ZBTB34: variants seen among roughly 807,000 people sequenced by gnomAD.
ZBTB34 encodes the protein zinc finger and BTB domain containing 34.
ZBTB34 carries 1 observed loss-of-function variant against 33.4 expected under a neutral mutation model. The observed-to-expected ratio is 0.03, with a 90% CI of 0.01 to 0.14. The LOEUF (loss-of-function observed/expected upper bound fraction) is 0.14, where lower values mean the gene tolerates loss of function less well. Among genes scored for constraint, ZBTB34 ranks in the 10% least tolerant of loss-of-function variants. The pLI, the probability that ZBTB34 is intolerant of heterozygous loss-of-function variation, is 1.00. For missense variants in ZBTB34, 406 were observed against 657.2 expected, an observed-to-expected ratio of 0.62 and a Z score of 4.18; for synonymous variants, 283 against 253.5, an observed-to-expected ratio of 1.12 and a Z score of -1.11.
chr9:126,863,121 G>A (rs2033162565), intron 1 of ZBTB34, among the ~76,000 whole-genome samples: 1 of 152,134 alleles, frequency 6.6e-6, no homozygotes, highest in African/African-American at 2.4e-5. Context: ...GGAGGCTGTG[G>A]GGAAAGAACA....
chr9:126,872,642 G>A (rs1379252982), intron 1 of ZBTB34, among the ~76,000 whole-genome samples: 3 of 152,180 alleles, frequency 2.0e-5, no homozygotes, highest in Admixed American at 6.5e-5. Context: ...ATGGAGTGTA[G>A]AACTTGTGAT....
chr9:126,884,368 G>A (rs2033490573), exon 2 of ZBTB34: 1 of 166,964 alleles, frequency 6.0e-6, no homozygotes, highest in Admixed American at 6.5e-5. Context: ...AATTATATTT[G>A]TAAATACAGT....
chr9:126,874,467 C>T (rs2033328204), intron 1 of ZBTB34, among the ~76,000 whole-genome samples: 1 of 152,102 alleles, frequency 6.6e-6, no homozygotes, highest in Non-Finnish European at 1.5e-5. Flanking sequence ...TCTGTAGTTA[C>T]TACGTTTGTT....
In ZBTB34 at chr9:126,880,752, G is replaced by C. The variant is rs753480744; in HGVS notation, c.1353G>C (p.Leu451Phe). 1 of 1,613,670 alleles carries C rather than the reference G, an allele frequency of 6.2e-7. No individual in the cohort carries two copies. Among genetic ancestry groups the C allele is most frequent in the Non-Finnish European group, 8.5e-7 (1 of 1,179,896 alleles). The change falls in exon 2 of 2, where the codon TTG (leucine) becomes TTC (phenylalanine). Residue 451 changes from leucine to phenylalanine, a missense_variant. Coordinates refer to ENST00000319119, the Ensembl canonical transcript of ZBTB34. The surrounding 1 kb of genome is among the most constrained non-coding windows in gnomAD (Gnocchi z 6.7). ...TCCAAGGTACCCTCAACCAGCACTTGCGGAAAAACCACCCAGGCGTTGCTG... is the reference window on the plus strand; with the variant it reads ...TCCAAGGTACCCTCAACCAGCACTTCCGGAAAAACCACCCAGGCGTTGCTG...
At chr9:126,870,322 G>A (rs1462204008) in intron 1 of ZBTB34, among the ~76,000 whole-genome samples, 1 of 152,172 alleles carries the variant, frequency 6.6e-6, no homozygotes, top group East Asian at 1.9e-4. Flanking sequence ...CTATCAAACT[G>A]CAAGACTGGG....
At position 126,879,695 on chromosome 9, in the gene ZBTB34, A is replaced by G. The variant is rs774753816; in HGVS notation, c.296A>G (p.Gln99Arg). The G allele has an allele frequency of 2.5e-6, 4 of 1,613,646 alleles. No individual in the cohort carries two copies. Among genetic ancestry groups the G allele is most frequent in the Non-Finnish European group, 2.5e-6 (3 of 1,179,894 alleles). Residue 99 changes from glutamine to arginine, a missense_variant, in exon 2 of 2, where the codon CAG (glutamine) becomes CGG (arginine). Gln to Arg is a conservative substitution (Grantham distance 43). Transcript: ENST00000319119. The surrounding 1 kb of genome is among the most constrained non-coding windows in gnomAD (Gnocchi z 6.4). ...TGTTACACTGGAAGAATGTCCTTGC[A>G]GCTGAAGGATGTTGTCAGTTTTCTG...
intron 1 of ZBTB34, among the ~76,000 whole-genome samples, 157 bp downstream of exon 1, chr9:126,860,896 G>A (rs1202885524): frequency 1.7e-4 from 26 of 148,904 alleles, no homozygotes; most frequent in Admixed American, 1.7e-3. Context: ...GCGGGCAGGC[G>A]GCCGGCGCGG....
At chr9:126,868,504 C>G (rs573948736) in intron 1 of ZBTB34, among the ~76,000 whole-genome samples, 8 of 152,274 alleles carry the variant, frequency 5.3e-5, no homozygotes, top group Non-Finnish European at 8.8e-5. Flanking sequence ...TGTGAGTGTC[C>G]TCCTGCTCTG....
intron 1 of ZBTB34, among the ~76,000 whole-genome samples, chr9:126,871,483 C>T (rs1001000277): frequency 6.6e-6 from 1 of 151,652 alleles, no homozygotes; most frequent in Non-Finnish European, 1.5e-5. Context: ...CTTCCTCAGC[C>T]TCCCGAGTAG....
At chr9:126,865,352 C>T (rs769910627) in intron 1 of ZBTB34, among the ~76,000 whole-genome samples, 4 of 152,252 alleles carry the variant, frequency 2.6e-5, no homozygotes, top group South Asian at 2.1e-4. Flanking sequence ...GCTCTGGGCA[C>T]GCAGTCCCTG....
intron 1 of ZBTB34, among the ~76,000 whole-genome samples, chr9:126,873,483 C>T (rs750007667): frequency 1.3e-5 from 2 of 152,082 alleles, no homozygotes; most frequent in Non-Finnish European, 2.9e-5. Flanking sequence ...AGGCTGGTCT[C>T]GAACTCCTGA....
chr9:126,882,148 C>A (rs913193599), exon 2 of ZBTB34: 1 of 167,032 alleles, frequency 6.0e-6, no homozygotes, highest in Non-Finnish European at 1.5e-5. Context: ...CAGTGGCTCC[C>A]CCACTCTCTC....
At chr9:126,878,368 G>C (rs373173045) in intron 1 of ZBTB34, among the ~76,000 whole-genome samples, 7 of 152,066 alleles carry the variant, frequency 4.6e-5, no homozygotes, top group East Asian at 3.9e-4. Context: ...TATTCAGGAG[G>C]CTGAGGCATG....
exon 2 of ZBTB34, chr9:126,882,069 T>C (rs960318838): frequency 4.2e-5 from 7 of 167,066 alleles, no homozygotes; most frequent in African/African-American, 1.7e-4. Flanking sequence ...GTACTTTTTG[T>C]AAAGCTATAC....
chr9:126,865,858 G>A (rs1471096454), intron 1 of ZBTB34, among the ~76,000 whole-genome samples: 1 of 152,154 alleles, frequency 6.6e-6, no homozygotes. Flanking sequence ...GGTGGCACAT[G>A]CCTGTAATCC....
At chr9:126,861,766 C>T (rs1460559863) in intron 1 of ZBTB34, among the ~76,000 whole-genome samples, 1 of 152,132 alleles carries the variant, frequency 6.6e-6, no homozygotes, top group Non-Finnish European at 1.5e-5. Context: ...TATATTTGCC[C>T]ATTTTCTCTT....
chr9:126,874,320 G>A (rs2033325648), intron 1 of ZBTB34, among the ~76,000 whole-genome samples: 1 of 151,884 alleles, frequency 6.6e-6, no homozygotes, highest in Admixed American at 6.6e-5. Context: ...AAAGTGCTGG[G>A]ATTACAGGCG....
chr9:126,866,922 A>G (rs1374110681), intron 1 of ZBTB34, among the ~76,000 whole-genome samples: 1 of 152,206 alleles, frequency 6.6e-6, no homozygotes, highest in Non-Finnish European at 1.5e-5. Flanking sequence ...TGGATACAGC[A>G]AGCAACGTAA....
chr9:126,873,249 T>G (rs562245599), intron 1 of ZBTB34, among the ~76,000 whole-genome samples: 66 of 152,284 alleles, frequency 4.3e-4, no homozygotes, highest in African/African-American at 1.6e-3. Flanking sequence ...GAAAGAAGTA[T>G]TTTGTCTCAT....
Sources: gnomAD v4.1 joint callset for allele counts (sites outside exome capture counted in the v4.1 genomes callset) on GRCh38, gnomAD v4.1.1 for gene constraint, Gnocchi (gnomAD v3.1) non-coding constraint, MANE v1.5 for transcripts, NCBI Gene and HGNC (gene_info 2026-07-23, HGNC 2026-07-21) for gene names.